CSPG5: variants seen among roughly 807,000 people sequenced by gnomAD.
The protein encoded by CSPG5 is acidic leucine-rich EGF-like domain-containing brain protein.
CSPG5 carries 25 observed loss-of-function variants against 39.8 expected under a neutral mutation model. That is an observed-to-expected ratio of 0.63 (90% CI 0.46 to 0.88). CSPG5 has a LOEUF of 0.88. Among genes scored for constraint, CSPG5 ranks in the 40% least tolerant of loss-of-function variants. The probability of loss-of-function intolerance (pLI) is 0.00; values close to 1 mark genes in which losing one functional copy is unlikely to be tolerated. For missense variants in CSPG5, 627 were observed against 702.2 expected (o/e 0.89, Z 1.21); for synonymous variants, 295 against 303.9 (o/e 0.97, Z 0.31).
Position 47,562,557 on chromosome 3 carries a change from A to T in CSPG5, c.*43T>A. On this transcript the variant is annotated 3_prime_UTR_variant, in exon 5 of 5. Transcript: ENST00000264723. ...AAGAGGAGATAATGTTTCTTCCCCT[A>T]CCCCCCACCCACTACCCCCGCTTCC... 1.2e-4 allele frequency: 128 copies of T among 1,073,014 alleles called. No individual in the cohort carries two copies. The highest frequency in any genetic ancestry group is 1.7e-4 in the Non-Finnish European group (119 of 707,330). 66.5% of individuals were successfully genotyped at this position (1,073,014 alleles called of 1,614,324 possible). A position where few individuals can be genotyped will look rare whatever the true frequency, so the allele number is the denominator to read the frequency against.
Position 47,578,521 on chromosome 3 carries a change from G to T in CSPG5, c.97+76C>A. 1 of 446,000 alleles carries T rather than the reference G, an allele frequency of 2.2e-6. No individual in the cohort carries two copies. The highest frequency in any genetic ancestry group is 3.3e-6 in the Non-Finnish European group (1 of 301,746). 27.6% of individuals were successfully genotyped at this position (446,000 alleles called of 1,614,324 possible). On this transcript the variant is annotated intron_variant, in intron 1 of 4. Transcript: ENST00000264723. This position sits in a 1 kb window ranked among gnomAD's most constrained non-coding sequence, Gnocchi z 6.0. ...CTTGCCACAGCTCACAGCTCCACCT[G>T]TCCCCGCCGCCAGCGGGACCCCTGC...
In CSPG5 at chr3:47,577,045, G is replaced by A; in HGVS notation, c.981C>T (p.His327=). The A allele has an allele frequency of 6.2e-7, 1 of 1,613,542 alleles. No homozygotes were observed. The highest frequency in any genetic ancestry group is 1.1e-5 in the South Asian group (1 of 91,062). The change falls in exon 2 of 5, where the codon CAC becomes CAT. Residue 327 remains histidine, a synonymous_variant. Coordinates refer to ENST00000264723, the MANE Select transcript of CSPG5 (RefSeq NM_006574.4). This position sits in a 1 kb window ranked among gnomAD's most constrained non-coding sequence, Gnocchi z 4.7. ...TSRWHAVPPQ[H]TLGSVPGSSI... is the part of the protein sequence containing the mutation. ...TGCTGCCGGGGACCGACCCCAGAGT[G>A]TGCTGTGGAGGGACAGCATGCCACC...
At chr3:47,574,780 A>C (rs1456073137) in intron 2 of CSPG5, among the ~76,000 whole-genome samples, 1 of 152,188 alleles carries the variant, frequency 6.6e-6, no homozygotes, top group Non-Finnish European at 1.5e-5. Flanking sequence ...TTTACTAAAA[A>C]TACAAAAAAT....
rs945093888 is a variant in CSPG5, at chr3:47,578,382, G to A, written c.97+215C>T. On this transcript the variant is annotated intron_variant, in intron 1 of 4. Transcript: ENST00000264723. This position sits in a 1 kb window ranked among gnomAD's most constrained non-coding sequence, Gnocchi z 6.0. Reference sequence around the variant, plus strand: ...GTCCGCACCGCGGCCCGCGCGCTTGGGTCCCGGCTACCCCAACCGGGGTCG... The same window carrying A: ...GTCCGCACCGCGGCCCGCGCGCTTGAGTCCCGGCTACCCCAACCGGGGTCG... Among the ~76,000 whole-genome samples the A allele has an allele frequency of 2.0e-4, 29 of 148,304 alleles. No individual in the cohort carries two copies. The highest frequency in any genetic ancestry group is 6.7e-4 in the African/African-American group (27 of 40,402).
intron 2 of CSPG5, among the ~76,000 whole-genome samples, chr3:47,576,015 G>A (rs976375402): frequency 7.4e-6 from 1 of 135,804 alleles, no homozygotes; most frequent in African/African-American, 2.7e-5. Flanking sequence ...TCGGCTCACT[G>A]CAACGTCCAC....
Position 47,572,878 on chromosome 3 carries a change from C to A in CSPG5, c.1194-4G>T. On this transcript the variant is annotated splice_region_variant and splice_polypyrimidine_tract_variant and intron_variant, in intron 2 of 4. Coordinates refer to ENST00000264723, the MANE Select transcript of CSPG5 (RefSeq NM_006574.4). This position sits in a 1 kb window ranked among gnomAD's most constrained non-coding sequence, Gnocchi z 4.5. ...GATGTAGTCCTGCGTGTTGCACCTG[C>A]AGCAGCGACATTGAGAAACCGTGGC... 6.2e-7 allele frequency: 1 copy of A among 1,601,564 alleles called. No homozygotes were observed. The highest frequency in any genetic ancestry group is 1.3e-5 in the African/African-American group (1 of 74,706).
In CSPG5 at chr3:47,577,912, G is replaced by T. The variant is rs1207036438; in HGVS notation, c.114C>A (p.Ser38Arg). The change falls in exon 2 of 5, where the codon AGC becomes AGA. Residue 38 changes from serine to arginine, a missense_variant. By Grantham distance (110) the Ser-to-Arg change is moderately radical (BLOSUM62 -1). Transcript: ENST00000264723. The surrounding 1 kb of genome is among the most constrained non-coding windows in gnomAD (Gnocchi z 4.7). ...SGAVPAREAG[S>R]AVEAEELVKG... ...TCACCAGCTCTTCGGCCTCAACCGCGCTGCCCGCCTCACGCGCTGCGGGCG... is the reference window on the plus strand; with the variant it reads ...TCACCAGCTCTTCGGCCTCAACCGCTCTGCCCGCCTCACGCGCTGCGGGCG... 1.4e-6 allele frequency: 2 copies of T among 1,449,846 alleles called. No homozygotes were observed. The highest frequency in any genetic ancestry group is 1.8e-6 in the Non-Finnish European group (2 of 1,114,898). 89.8% of individuals were successfully genotyped at this position (1,449,846 alleles called of 1,614,324 possible).
chr3:47,572,775 G>A lies in CSPG5; in HGVS notation c.1293C>T (p.Leu431=), dbSNP rs184043460. 270 of 1,614,200 alleles carry A rather than the reference G, an allele frequency of 1.7e-4. 1 individual carries two copies. The highest frequency in any genetic ancestry group is 9.5e-4 in the Admixed American group (57 of 60,022). ...TCATCATGAAGAGCAGGAGCAGGAC[G>A]AGGGCAGCCGAGCCCACGGCCACGC... ...VMCVAVGSAA[L]VLLLLFMMTV... is the part of the protein sequence containing the mutation. The change falls in exon 3 of 5, where the codon CTC becomes CTT. Residue 431 remains leucine, a synonymous_variant. Transcript: ENST00000264723. The surrounding 1 kb of genome is among the most constrained non-coding windows in gnomAD (Gnocchi z 4.5).
In CSPG5 at chr3:47,577,435, G is replaced by T. The variant is rs2031797089; in HGVS notation, c.591C>A (p.Gly197=). The T allele has an allele frequency of 1.9e-6, 3 of 1,614,116 alleles. No individual in the cohort carries two copies. Among genetic ancestry groups the T allele is most frequent in the Non-Finnish European group, 2.5e-6 (3 of 1,180,024 alleles). Residue 197 remains glycine, a synonymous_variant, in exon 2 of 5, where the codon GGC becomes GGA. Coordinates refer to ENST00000264723, the MANE Select transcript of CSPG5 (RefSeq NM_006574.4). The surrounding 1 kb of genome is among the most constrained non-coding windows in gnomAD (Gnocchi z 4.7). Reference sequence around the variant, plus strand: ...CTGATGCCGGTTGGGGCTCCAGGGTGCCCTGAAATGGGTAAGTCAGCTCTG... The same window carrying T: ...CTGATGCCGGTTGGGGCTCCAGGGTTCCCTGAAATGGGTAAGTCAGCTCTG... ...QGPELTYPFQ[G]TLEPQPASDI...
intron 2 of CSPG5, among the ~76,000 whole-genome samples, chr3:47,573,417 G>A (rs1382130784): frequency 6.6e-6 from 1 of 152,206 alleles, no homozygotes; most frequent in Non-Finnish European, 1.5e-5. Context: ...AGGACAAATA[G>A]AAAGATGGAT....
chr3:47,564,052 T>C (rs1220711774), intron 4 of CSPG5, among the ~76,000 whole-genome samples: 2 of 152,204 alleles, frequency 1.3e-5, no homozygotes, highest in African/African-American at 4.8e-5. Flanking sequence ...TTGTAAGTGC[T>C]TGGAACTCTG....
At chr3:47,573,237 C>A (rs1386494799) in intron 2 of CSPG5, among the ~76,000 whole-genome samples, 2 of 152,234 alleles carry the variant, frequency 1.3e-5, no homozygotes, top group African/African-American at 4.8e-5. Flanking sequence ...TCTCAGGCCT[C>A]TCCCTGCCCT....
In CSPG5 at chr3:47,577,979, C is replaced by A. The variant is rs1194619973; in HGVS notation, c.98-51G>T. The A allele has an allele frequency of 4.4e-6, 6 of 1,369,724 alleles. No individual in the cohort carries two copies. Among genetic ancestry groups the A allele is most frequent in the Non-Finnish European group, 4.7e-6 (5 of 1,070,766 alleles). The allele number at this position is 1,369,724 out of a possible 1,614,324, so 84.8% of individuals were successfully genotyped here. A position where few individuals can be genotyped will look rare whatever the true frequency, so the allele number is the denominator to read the frequency against. ...GACGTCAGGGCGGCGCGCTGAGGAG[C>A]CCTGGAGCCCCGGCCCGCCCCGGTC... On this transcript the variant is annotated intron_variant, in intron 1 of 4. Transcript: ENST00000264723. The surrounding 1 kb of genome is among the most constrained non-coding windows in gnomAD (Gnocchi z 4.7).
chr3:47,569,322 G>A (rs951537174), intron 3 of CSPG5, 95 bp from the exon 4 acceptor site: 15 of 1,332,030 alleles, frequency 1.1e-5, no homozygotes, highest in Admixed American at 5.8e-5. Context: ...ACTGTATTTC[G>A]GCTGGGCGTG....
intron 4 of CSPG5, among the ~76,000 whole-genome samples, chr3:47,565,909 G>A (rs1482580469): frequency 2.0e-5 from 3 of 152,182 alleles, no homozygotes; most frequent in African/African-American, 7.2e-5. Context: ...CATTCTCTGT[G>A]CCTCCTGACA....
At chr3:47,563,087 G>T (rs1169159597) in intron 4 of CSPG5, among the ~76,000 whole-genome samples, 2 of 152,336 alleles carry the variant, frequency 1.3e-5, no homozygotes, top group East Asian at 3.9e-4. Flanking sequence ...AGCCTCATGT[G>T]TTGATGAGCT....
rs114609317 is a variant in CSPG5, at chr3:47,571,922, G to A, written c.1382+764C>T. Among the ~76,000 whole-genome samples the A allele has an allele frequency of 3.3e-3, 503 of 152,278 alleles. 3 individuals are homozygous for A. The highest frequency in any genetic ancestry group is 0.011 in the African/African-American group (469 of 41,550). ...GGAGTAATTTTCTCATAGCGTATAA[G>A]GTCACATCCGAGTGTTCAAGGCATG... On this transcript the variant is annotated intron_variant, in intron 3 of 4. Coordinates refer to ENST00000264723, the MANE Select transcript of CSPG5 (RefSeq NM_006574.4).
chr3:47,565,233 T>C (rs2031248164), intron 4 of CSPG5, among the ~76,000 whole-genome samples: 1 of 152,058 alleles, frequency 6.6e-6, no homozygotes. Context: ...AAAACTGTCT[T>C]CTGAGCCAAG....
intron 2 of CSPG5, among the ~76,000 whole-genome samples, chr3:47,574,199 A>G (rs2031625328): frequency 6.6e-6 from 1 of 152,186 alleles, no homozygotes; most frequent in Non-Finnish European, 1.5e-5. Context: ...TGGCAGAGCC[A>G]TGTAGCTTAC....
Sources: gnomAD v4.1 joint callset for allele counts (sites outside exome capture counted in the v4.1 genomes callset) on GRCh38, gnomAD v4.1.1 for gene constraint, Gnocchi (gnomAD v3.1) non-coding constraint, MANE v1.5 for transcripts, NCBI Gene and HGNC (gene_info 2026-07-23, HGNC 2026-07-21) for gene names.